STMND1: variants seen among roughly 807,000 people sequenced by gnomAD.
The protein encoded by STMND1 is stathmin domain-containing protein 1.
Under a neutral mutation model 23.0 loss-of-function variants are expected in STMND1, and 17 were observed. The observed-to-expected ratio is 0.74, with a 90% CI of 0.51 to 1.11. The LOEUF is 1.11. STMND1 is among the 50% of genes least tolerant of loss of function. The probability of loss-of-function intolerance (pLI) is 0.00; values close to 1 mark genes in which losing one functional copy is unlikely to be tolerated. For synonymous variants in STMND1, 114 were observed against 119.9 expected (o/e 0.95, Z 0.32); for missense variants, 305 against 329.1 (o/e 0.93, Z 0.57).
Position 17,114,756 on chromosome 6 carries a change from C to G in STMND1, c.82-206C>G, listed in dbSNP as rs1030921658. 2.0e-5 allele frequency among the ~76,000 whole-genome samples: 3 copies of G among 152,302 alleles called. No homozygotes were observed. The East Asian group carries it at 5.8e-4, about 29-fold the overall frequency. On this transcript the variant is annotated intron_variant, in intron 1 of 4. Coordinates refer to ENST00000536551, the MANE Select transcript of STMND1 (RefSeq NM_001190766.2). ...TCGCTGGCTAGCCCACTCCTCACCT[C>G]CCGCTCTGCAGCCCAGTTCCTAACA...
At chr6:17,119,530 C>G (rs538130976) in intron 2 of STMND1, among the ~76,000 whole-genome samples, 1 of 152,036 alleles carries the variant, frequency 6.6e-6, no homozygotes. Flanking sequence ...ATGGTGAAAT[C>G]CCATCTCTAC....
intron 3 of STMND1, among the ~76,000 whole-genome samples, chr6:17,123,688 G>A (rs537013863): frequency 6.6e-6 from 1 of 152,292 alleles, no homozygotes; most frequent in East Asian, 1.9e-4. Context: ...AAGCTGGGAA[G>A]GGTTAAAGCT....
chr6:17,107,448 A>T (rs1446878658), intron 1 of STMND1, among the ~76,000 whole-genome samples: 1 of 152,220 alleles, frequency 6.6e-6, no homozygotes, highest in African/African-American at 2.4e-5. Context: ...GGTATAAAAA[A>T]AGTTCATAAA....
At position 17,126,053 on chromosome 6, in the gene STMND1, TATATATATATATATA is replaced by T. The variant is rs1387961139; in HGVS notation, c.412-3058_412-3044del. 9.6e-3 allele frequency among the ~76,000 whole-genome samples: 335 copies of T among 34,742 alleles called. 12 individuals are homozygous for T. The highest frequency in any genetic ancestry group is 0.016 in the South Asian group (11 of 688). 22.8% of individuals were successfully genotyped at this position (34,742 alleles called of 152,430 possible). A position where few individuals can be genotyped will look rare whatever the true frequency, so the allele number is the denominator to read the frequency against. On this transcript the variant is annotated intron_variant, in intron 3 of 4. Coordinates refer to ENST00000536551, the MANE Select transcript of STMND1 (RefSeq NM_001190766.2). ...ATTGTTTTATATATATATATATATA[TATATATATATATATA>T]TATTTTTTTTTTTTTTTTTTTTTTT...
intron 2 of STMND1, among the ~76,000 whole-genome samples, chr6:17,118,597 G>A (rs1165856746): frequency 6.6e-6 from 1 of 152,176 alleles, no homozygotes; most frequent in African/African-American, 2.4e-5. Context: ...ACACTTTAGA[G>A]AACTCCAAAA....
At position 17,102,171 on chromosome 6, in the gene STMND1, G is replaced by A; in HGVS notation, c.-87G>A. 1 of 1,334,324 alleles carries A rather than the reference G, an allele frequency of 7.5e-7. No individual in the cohort carries two copies. The highest frequency in any genetic ancestry group is 1.7e-5 in the South Asian group (1 of 60,490). The allele number at this position is 1,334,324 out of a possible 1,614,324, so 82.7% of individuals were successfully genotyped here. A position where few individuals can be genotyped will look rare whatever the true frequency, so the allele number is the denominator to read the frequency against. Reference sequence around the variant, plus strand: ...CGTAGGGCGCAGGGCGCAGGAGCGCGGGACCACCGGCGCCGGAGCGCGGCA... The same window carrying A: ...CGTAGGGCGCAGGGCGCAGGAGCGCAGGACCACCGGCGCCGGAGCGCGGCA... On this transcript the variant is annotated 5_prime_UTR_variant, in exon 1 of 5. Transcript: ENST00000536551.
Position 17,130,703 on chromosome 6 carries a change from G to A in STMND1, c.653G>A (p.Gly218Glu). 1 of 1,536,100 alleles carries A rather than the reference G, an allele frequency of 6.5e-7. No homozygotes were observed. The highest frequency in any genetic ancestry group is 8.7e-7 in the Non-Finnish European group (1 of 1,146,910). The change falls in exon 5 of 5, where the codon GGA (glycine) becomes GAA (glutamate). Residue 218 changes from glycine to glutamate, a missense_variant. Coordinates refer to ENST00000536551, the MANE Select transcript of STMND1 (RefSeq NM_001190766.2). ...LDGAEVAFAK[G>E]LQRVRSAGFE... ...GGGGCCGAGGTTGCATTTGCCAAAGGACTTCAAAGGGTGAGGTCTGCTGGA... is the reference window on the plus strand; with the variant it reads ...GGGGCCGAGGTTGCATTTGCCAAAGAACTTCAAAGGGTGAGGTCTGCTGGA...
At chr6:17,120,350 C>T (rs960464200) in intron 2 of STMND1, among the ~76,000 whole-genome samples, 3 of 152,184 alleles carry the variant, frequency 2.0e-5, no homozygotes, top group African/African-American at 4.8e-5. Flanking sequence ...TCCACAGCAG[C>T]ACACAGAAAG....
In STMND1 at chr6:17,130,685, A is replaced by C; in HGVS notation, c.635A>C (p.Glu212Ala). Residue 212 changes from glutamate (E) to alanine (A), a missense_variant, in exon 5 of 5, where the codon GAG (glutamate) becomes GCG (alanine). By Grantham distance (107) the Glu-to-Ala change is moderately radical. Coordinates refer to ENST00000536551, the MANE Select transcript of STMND1 (RefSeq NM_001190766.2). The part of the protein sequence containing the change: ...HSDSAELDGA[E>A]VAFAKGLQRV... ...GATTCAGCTGAATTAGATGGGGCCG[A>C]GGTTGCATTTGCCAAAGGACTTCAA... 2 of 1,536,062 alleles carry C rather than the reference A, an allele frequency of 1.3e-6. No homozygotes were observed. Among genetic ancestry groups the C allele is most frequent in the Non-Finnish European group, 1.7e-6 (2 of 1,146,894 alleles).
In STMND1 at chr6:17,120,630, A is replaced by G; in HGVS notation, c.283A>G (p.Asn95Asp). The part of the protein sequence containing the change: ...NSDLVTNGLI[N>D]KPQSLESRER... ...AGACCTAGTGACCAATGGATTAATC[A>G]ATAAACCCCAATCCCTAGAGAGTCG... Residue 95 changes from asparagine to aspartate, a missense_variant, in exon 3 of 5, where the codon AAT becomes GAT. Asn to Asp is a conservative substitution (Grantham distance 23). Transcript: ENST00000536551. 1 of 1,523,372 alleles carries G rather than the reference A, an allele frequency of 6.6e-7. No individual in the cohort carries two copies. The highest frequency in any genetic ancestry group is 2.4e-5 in the East Asian group (1 of 40,824). 94.4% of individuals were successfully genotyped at this position (1,523,372 alleles called of 1,614,324 possible).
At chr6:17,120,802 C>G in intron 3 of STMND1, 44 bp downstream of exon 3, 1 of 1,412,028 alleles carries the variant, frequency 7.1e-7, no homozygotes, top group South Asian at 1.3e-5. Context: ...TTAAAATTAG[C>G]AATAGAATAT....
chr6:17,126,078 T>C (rs1469357113), intron 3 of STMND1, among the ~76,000 whole-genome samples: 1 of 75,056 alleles, frequency 1.3e-5, no homozygotes, highest in Non-Finnish European at 2.8e-5. Flanking sequence ...ATATTTTTTT[T>C]TTTTTTTTTT....
chr6:17,103,724 A>T (rs1760976746), intron 1 of STMND1, among the ~76,000 whole-genome samples: 1 of 151,972 alleles, frequency 6.6e-6, no homozygotes, highest in Non-Finnish European at 1.5e-5. Context: ...GGCGTGCGCC[A>T]CCACGCCCAG....
chr6:17,118,685 C>T (rs1761190749), intron 2 of STMND1, among the ~76,000 whole-genome samples: 1 of 152,096 alleles, frequency 6.6e-6, no homozygotes, highest in Admixed American at 6.6e-5. Flanking sequence ...TTAGAAACAT[C>T]CTGGGAGAGA....
In STMND1 at chr6:17,115,063, C is replaced by G; in HGVS notation, c.183C>G (p.Val61=). 1 of 1,535,968 alleles carries G rather than the reference C, an allele frequency of 6.5e-7. No homozygotes were observed. The highest frequency in any genetic ancestry group is 8.7e-7 in the Non-Finnish European group (1 of 1,146,840). The stretch of plus-strand genomic sequence containing the variant: ...ACATTGCAGAAGGCCTGGAACAAGT[C>G]CAGATGGGAAGCTTACCTGGAACCA... ...TVDIAEGLEQ[V]QMGSLPGTIS... is the part of the protein sequence containing the mutation. The change falls in exon 2 of 5, where the codon GTC becomes GTG. Residue 61 remains valine (V), a synonymous_variant. Transcript: ENST00000536551.
intron 1 of STMND1, among the ~76,000 whole-genome samples, chr6:17,106,819 G>A (rs540524163): frequency 6.6e-6 from 1 of 152,202 alleles, no homozygotes; most frequent in African/African-American, 2.4e-5. Flanking sequence ...CCTATATACA[G>A]ACTTTCCCTT....
intron 2 of STMND1, among the ~76,000 whole-genome samples, chr6:17,116,460 G>A (rs1241871170): frequency 6.6e-6 from 1 of 150,536 alleles, no homozygotes; most frequent in Non-Finnish European, 1.5e-5. Context: ...TTTTTTTTGA[G>A]ACAGAGTTTT....
chr6:17,109,476 A>T (rs1159538955), intron 1 of STMND1, among the ~76,000 whole-genome samples: 1 of 152,214 alleles, frequency 6.6e-6, no homozygotes, highest in African/African-American at 2.4e-5. Context: ...CAAACGTTAG[A>T]GTAATTCCAG....
chr6:17,112,168 A>G (rs909315530), intron 1 of STMND1, among the ~76,000 whole-genome samples: 7 of 152,148 alleles, frequency 4.6e-5, no homozygotes, highest in Non-Finnish European at 8.8e-5. Context: ...ACCCTAAGCA[A>G]TCAATAAATC....
Sources: gnomAD v4.1 joint callset for allele counts (sites outside exome capture counted in the v4.1 genomes callset) on GRCh38, gnomAD v4.1.1 for gene constraint, MANE v1.5 for transcripts, NCBI Gene and HGNC (gene_info 2026-07-23, HGNC 2026-07-21) for gene names.